Variants in DPYD observed in about 807,000 individuals in gnomAD.
DPYD encodes the protein dihydropyrimidine dehydrogenase.
A neutral mutation model predicts 116.2 loss-of-function variants in DPYD; 109 were observed. That is an observed-to-expected ratio of 0.94 (90% CI 0.80 to 1.10). The LOEUF (loss-of-function observed/expected upper bound fraction) is 1.10, where lower values mean the gene tolerates loss of function less well. Ranked by LOEUF, DPYD falls within the 50% of genes least tolerant of loss-of-function variation. The pLI is 0.00. For synonymous variants in DPYD, 440 were observed against 432.0 expected, an observed-to-expected ratio of 1.02 and a Z score of -0.23; for missense variants, 1,302 against 1,254.5, an observed-to-expected ratio of 1.04 and a Z score of -0.57.
chr1:97,100,586 C>T (rs922771470), intron 20 of DPYD, among the ~76,000 whole-genome samples: 1 of 151,998 alleles, frequency 6.6e-6, no homozygotes, highest in African/African-American at 2.4e-5. Flanking sequence ...TGGACTTTAC[C>T]TTACTCAACA....
At chr1:97,852,209 TTC>T (rs966751252) in intron 2 of DPYD, among the ~76,000 whole-genome samples, 1 of 152,074 alleles carries the variant, frequency 6.6e-6, no homozygotes, top group Non-Finnish European at 1.5e-5. Context: ...ATCATTTGAA[TTC>T]TGTTTTAATT....
intron 10 of DPYD, among the ~76,000 whole-genome samples, chr1:97,588,957 A>G (rs991636965): frequency 3.3e-5 from 5 of 152,182 alleles, no homozygotes; most frequent in African/African-American, 1.2e-4. Context: ...TTGATGATAC[A>G]TCAGAGCAGT....
intron 3 of DPYD, among the ~76,000 whole-genome samples, chr1:97,774,110 A>C (rs1381934940): frequency 2.0e-5 from 3 of 152,104 alleles, no homozygotes; most frequent in Admixed American, 2.0e-4. Context: ...TGCTCCCCCT[A>C]GGGGTTTGAG....
At chr1:97,596,837 C>A (rs954733476) in intron 8 of DPYD, among the ~76,000 whole-genome samples, 3 of 152,168 alleles carry the variant, frequency 2.0e-5, no homozygotes, top group Non-Finnish European at 2.9e-5. Context: ...TTTTCCATAG[C>A]ATTTGCTCAT....
At chr1:97,706,974 T>C (rs1239158012) in intron 5 of DPYD, among the ~76,000 whole-genome samples, 2 of 152,048 alleles carry the variant, frequency 1.3e-5, no homozygotes, top group Non-Finnish European at 2.9e-5. Flanking sequence ...AAGAATAAAG[T>C]TCCTATTTCT....
At chr1:97,443,139 A>G (rs1006259061) in intron 14 of DPYD, among the ~76,000 whole-genome samples, 2 of 152,070 alleles carry the variant, frequency 1.3e-5, no homozygotes, top group Admixed American at 6.6e-5. Context: ...CTAGACTACA[A>G]CTCTAGAAAA....
chr1:97,836,205 C>T (rs989262437), intron 2 of DPYD, among the ~76,000 whole-genome samples: 3 of 152,102 alleles, frequency 2.0e-5, no homozygotes, highest in Non-Finnish European at 2.9e-5. Context: ...ACTGTTACTA[C>T]TTGAACATCA....
At chr1:97,687,739 A>G (rs1660810233) in intron 7 of DPYD, among the ~76,000 whole-genome samples, 1 of 152,210 alleles carries the variant, frequency 6.6e-6, no homozygotes, top group Non-Finnish European at 1.5e-5. Context: ...ATGCCCATCA[A>G]TAATATAGTG....
At chr1:97,504,894 G>A (rs1048267872) in intron 13 of DPYD, among the ~76,000 whole-genome samples, 4 of 151,320 alleles carry the variant, frequency 2.6e-5, no homozygotes, top group African/African-American at 7.3e-5. Flanking sequence ...AGGGGCCGGG[G>A]GGTGGGGTGG....
intron 20 of DPYD, among the ~76,000 whole-genome samples, chr1:97,163,549 G>T (rs1656083279): frequency 6.6e-6 from 1 of 152,138 alleles, no homozygotes; most frequent in African/African-American, 2.4e-5. Flanking sequence ...AGTTCTGGAG[G>T]CTGTGAAGTC....
intron 3 of DPYD, among the ~76,000 whole-genome samples, chr1:97,808,845 C>T (rs1428004371): frequency 6.6e-6 from 1 of 151,786 alleles, no homozygotes; most frequent in Non-Finnish European, 1.5e-5. Context: ...TCCAAAGAGG[C>T]CATAAACTTT....
intron 12 of DPYD, among the ~76,000 whole-genome samples, chr1:97,523,736 C>T (rs192883052): frequency 1.6e-4 from 24 of 152,008 alleles, no homozygotes; most frequent in Non-Finnish European, 2.5e-4. Context: ...TCTTTCCTGC[C>T]GGTGTTAATG....
chr1:97,668,925 T>A (rs1659711631), intron 8 of DPYD, among the ~76,000 whole-genome samples: 1 of 152,198 alleles, frequency 6.6e-6, no homozygotes, highest in African/African-American at 2.4e-5. Context: ...AATATTACTT[T>A]ATTCTCATAA....
At chr1:97,773,855 T>C (rs571639986) in intron 3 of DPYD, among the ~76,000 whole-genome samples, 1 of 152,294 alleles carries the variant, frequency 6.6e-6, no homozygotes, top group South Asian at 2.1e-4. Flanking sequence ...TGCACCCATC[T>C]TCCAAGCCCA....
intron 2 of DPYD, among the ~76,000 whole-genome samples, chr1:97,846,660 T>C (rs920155907): frequency 2.6e-5 from 4 of 152,218 alleles, no homozygotes; most frequent in Non-Finnish European, 5.9e-5. Flanking sequence ...TTGGTATGAA[T>C]ATAAAGAAGA....
chr1:97,183,725 AT>A (rs1415395800), intron 20 of DPYD, among the ~76,000 whole-genome samples: 1 of 152,036 alleles, frequency 6.6e-6, no homozygotes, highest in Non-Finnish European at 1.5e-5. Context: ...ATATCTTACC[AT>A]TATTTTAAGT....
At chr1:97,559,269 G>A (rs1246118262) in intron 11 of DPYD, among the ~76,000 whole-genome samples, 5 of 152,036 alleles carry the variant, frequency 3.3e-5, no homozygotes, top group African/African-American at 1.2e-4. Context: ...CCCATTTGCT[G>A]CATTTAACGG....
intron 19 of DPYD, among the ~76,000 whole-genome samples, chr1:97,202,147 T>G (rs540732395): frequency 3.3e-5 from 5 of 152,238 alleles, no homozygotes; most frequent in African/African-American, 9.6e-5. Flanking sequence ...GCCCCGGAGA[T>G]GTTGTTTTTC....
At chr1:97,909,559 C>T (rs1224793591) in intron 1 of DPYD, among the ~76,000 whole-genome samples, 2 of 151,972 alleles carry the variant, frequency 1.3e-5, no homozygotes, top group Non-Finnish European at 2.9e-5. Flanking sequence ...TCCCCAATGG[C>T]TATTGTCAAG....
Sources: allele counts gnomAD v4.1 joint callset (sites outside exome capture counted in the v4.1 genomes callset), GRCh38; gene constraint gnomAD v4.1.1; transcripts MANE v1.5; gene names NCBI Gene and HGNC (gene_info 2026-07-23, HGNC 2026-07-21).